Variants in PID1 observed in about 807,000 individuals in gnomAD.
PID1 encodes PTB-containing, cubilin and LRP1-interacting protein.
PID1 carries 10 observed loss-of-function variants against 19.1 expected under a neutral mutation model. That is an observed-to-expected ratio of 0.52 (90% CI 0.32 to 0.89). The LOEUF (loss-of-function observed/expected upper bound fraction) is 0.89, where lower values mean the gene tolerates loss of function less well. PID1 is among the 40% of genes least tolerant of loss of function. The pLI, the probability that PID1 is intolerant of heterozygous loss-of-function variation, is 0.03. For missense variants in PID1, 248 were observed against 285.3 expected, an observed-to-expected ratio of 0.87 and a Z score of 0.94; for synonymous variants, 130 against 116.0, an observed-to-expected ratio of 1.12 and a Z score of -0.78.
In PID1 at chr2:229,139,117, GAAAGAAAGAAAGAAAGAA is replaced by G. The variant is rs1559251839; in HGVS notation, c.177+16683_177+16700del. Reference sequence around the variant, plus strand: ...AAAGAAAGAAAGAAAGAAAGAAAGAGAAAGAAAGAAAGAAAGAAAGAAAGAAAGAAAGCAAGCGAGCGA... The same window carrying G: ...AAAGAAAGAAAGAAAGAAAGAAAGAGAGAAAGAAAGAAAGCAAGCGAGCGA... On this transcript the variant is annotated intron_variant, in intron 2 of 2. Coordinates refer to ENST00000392055, the MANE Select transcript of PID1 (RefSeq NM_001100818.2). 7.7e-4 allele frequency among the ~76,000 whole-genome samples: 61 copies of G among 78,796 alleles called. 5 individuals are homozygous for G. Among genetic ancestry groups the G allele is most frequent in the African/African-American group, 2.8e-3 (58 of 20,654 alleles). 51.7% of individuals were successfully genotyped at this position (78,796 alleles called of 152,430 possible).
chr2:229,174,033 T>C (rs1483765348), intron 1 of PID1, among the ~76,000 whole-genome samples: 1 of 152,194 alleles, frequency 6.6e-6, no homozygotes, highest in African/African-American at 2.4e-5. Context: ...CCTGCTCCAC[T>C]TCCCTGACCT....
chr2:229,169,589 T>C (rs769738163), intron 1 of PID1, among the ~76,000 whole-genome samples: 5 of 152,196 alleles, frequency 3.3e-5, no homozygotes, highest in African/African-American at 1.2e-4. Context: ...AAATAGGCAT[T>C]AGCATTACTT....
At chr2:229,157,431 A>AC (rs1491097436) in intron 1 of PID1, among the ~76,000 whole-genome samples, 2 of 61,794 alleles carry the variant, frequency 3.2e-5, no homozygotes, top group African/African-American at 2.0e-4. Flanking sequence ...ATTCCATCTC[A>AC]AAAAAAAAAA....
chr2:229,134,485 G>A (rs927038410), intron 2 of PID1, among the ~76,000 whole-genome samples: 16 of 150,980 alleles, frequency 1.1e-4, no homozygotes, highest in African/African-American at 2.7e-4. Flanking sequence ...CTCATGATCC[G>A]CCCACCTTGG....
intron 1 of PID1, among the ~76,000 whole-genome samples, chr2:229,225,991 C>A (rs1266374291): frequency 2.0e-5 from 3 of 152,118 alleles, no homozygotes; most frequent in African/African-American, 7.2e-5. Context: ...GCAAACTATG[C>A]CAATGAGAGA....
At chr2:229,163,521 A>G (rs1408276345) in intron 1 of PID1, among the ~76,000 whole-genome samples, 1 of 150,892 alleles carries the variant, frequency 6.6e-6, no homozygotes, top group East Asian at 2.0e-4. Context: ...TTACCTTCCC[A>G]GAGTCTCTCA....
In PID1 at chr2:229,051,573, A is replaced by C. The variant is rs564440927; in HGVS notation, c.178-25465T>G. Reference sequence around the variant, plus strand: ...GGCTGGTCTCGAACTCCAGAGCCCAAGCGATCTGCTTGCCTCGGCCTCCCA... The same window carrying C: ...GGCTGGTCTCGAACTCCAGAGCCCACGCGATCTGCTTGCCTCGGCCTCCCA... On this transcript the variant is annotated intron_variant, in intron 2 of 2. Coordinates refer to ENST00000392055, the MANE Select transcript of PID1 (RefSeq NM_001100818.2). Among the ~76,000 whole-genome samples the C allele has an allele frequency of 1.2e-3, 177 of 152,270 alleles. 2 individuals carry two copies. Among genetic ancestry groups the C allele is most frequent in the African/African-American group, 4.0e-3 (165 of 41,544 alleles).
intron 2 of PID1, among the ~76,000 whole-genome samples, chr2:229,155,263 T>C (rs1172962573): frequency 6.6e-6 from 1 of 152,160 alleles, no homozygotes; most frequent in Non-Finnish European, 1.5e-5. Flanking sequence ...TTTATTCATA[T>C]ATACTAAAAC....
chr2:229,122,735 TATC>T (rs548998187), intron 2 of PID1, among the ~76,000 whole-genome samples: 89 of 152,206 alleles, frequency 5.8e-4, no homozygotes, highest in Non-Finnish European at 8.5e-4. Context: ...TATTAGAAAA[TATC>T]ATGAACTTTT....
At chr2:229,167,026 G>A (rs1296371300) in intron 1 of PID1, among the ~76,000 whole-genome samples, 2 of 150,936 alleles carry the variant, frequency 1.3e-5, no homozygotes, top group African/African-American at 2.4e-5. Context: ...GAAAGGAAGG[G>A]AGAGAAAAGG....
chr2:229,146,368 C>G (rs955054350), intron 2 of PID1, among the ~76,000 whole-genome samples: 14 of 152,076 alleles, frequency 9.2e-5, no homozygotes, highest in Non-Finnish European at 2.1e-4. Flanking sequence ...AGGACAAATA[C>G]CTAATGCATG....
chr2:229,031,454 G>C (rs943040568), intron 2 of PID1, among the ~76,000 whole-genome samples: 2 of 151,894 alleles, frequency 1.3e-5, no homozygotes, highest in African/African-American at 4.8e-5. Flanking sequence ...CTACTCAGGA[G>C]GCTGAGCAGG....
chr2:229,252,678 G>A (rs1690185658), intron 1 of PID1, among the ~76,000 whole-genome samples: 1 of 152,144 alleles, frequency 6.6e-6, no homozygotes, highest in Non-Finnish European at 1.5e-5. Context: ...GAAAACCCCT[G>A]AGCTGTATCA....
At chr2:229,237,399 G>C (rs755076283) in intron 1 of PID1, among the ~76,000 whole-genome samples, 4 of 152,134 alleles carry the variant, frequency 2.6e-5, no homozygotes, top group Non-Finnish European at 5.9e-5. Context: ...TCATTCAAGC[G>C]TATCCCCTAT....
At chr2:229,046,586 A>G (rs990264899) in intron 2 of PID1, among the ~76,000 whole-genome samples, 1 of 151,980 alleles carries the variant, frequency 6.6e-6, no homozygotes, top group Non-Finnish European at 1.5e-5. Context: ...TAAAAAAAAA[A>G]TTATATAATT....
At chr2:229,223,216 G>A (rs760621901) in intron 1 of PID1, among the ~76,000 whole-genome samples, 11 of 152,012 alleles carry the variant, frequency 7.2e-5, no homozygotes, top group African/African-American at 1.2e-4. Context: ...AATTTCCCTA[G>A]TATTAGCCTA....
intron 1 of PID1, among the ~76,000 whole-genome samples, chr2:229,260,235 G>A (rs1000229958): frequency 6.6e-6 from 1 of 151,892 alleles, no homozygotes; most frequent in Non-Finnish European, 1.5e-5. Flanking sequence ...CAGTAGGTCA[G>A]GATAGACACA....
intron 1 of PID1, among the ~76,000 whole-genome samples, chr2:229,195,180 T>C (rs10197709): frequency 0.63 from 94,776 of 151,574 alleles, 29,872 homozygotes; most frequent in Admixed American, 0.68. Context: ...AACATTTACA[T>C]GGTTTCACAA....
intron 2 of PID1, among the ~76,000 whole-genome samples, chr2:229,089,355 C>T (rs1366536805): frequency 2.0e-5 from 3 of 152,092 alleles, no homozygotes; most frequent in African/African-American, 7.2e-5. Flanking sequence ...CTGCATTTAC[C>T]CCTCAAACGC....
Sources: allele counts gnomAD v4.1 joint callset (sites outside exome capture counted in the v4.1 genomes callset), GRCh38; gene constraint gnomAD v4.1.1; transcripts MANE v1.5; gene names NCBI Gene and HGNC (gene_info 2026-07-23, HGNC 2026-07-21).